NBPF11: variants seen among roughly 807,000 people sequenced by gnomAD.
NBPF11 encodes the protein NBPF family member NBPF11.
A neutral mutation model predicts 93.9 loss-of-function variants in NBPF11; 72 were observed. The observed-to-expected ratio is 0.77, with a 90% CI of 0.63 to 0.93. NBPF11 has a LOEUF of 0.93. Ranked by LOEUF, NBPF11 falls within the 40% of genes least tolerant of loss-of-function variation. NBPF11 has a pLI of 0.00. For missense variants in NBPF11, 705 were observed against 802.2 expected (o/e 0.88, Z 1.46); for synonymous variants, 224 against 304.9 (o/e 0.73, Z 2.76).
chr1:148,143,036 T>C (rs1672451190), intron 2 of NBPF11, among the ~76,000 whole-genome samples: 1 of 145,838 alleles, frequency 6.9e-6, no homozygotes, highest in African/African-American at 2.6e-5. Flanking sequence ...GGGTGAGCCA[T>C]GAAAGCTGAA....
intron 1 of NBPF11, chr1:148,146,689 G>T (rs1451512440): frequency 6.2e-7 from 1 of 1,611,882 alleles, no homozygotes; most frequent in Non-Finnish European, 8.5e-7. Context: ...CGGCAACCGT[G>T]TCTCCTGCAT....
In NBPF11 at chr1:148,135,781, A is replaced by G; in HGVS notation, c.-145T>C. 1.4e-6 allele frequency: 1 copy of G among 712,016 alleles called. No homozygotes were observed. Among genetic ancestry groups the G allele is most frequent in the Non-Finnish European group, 2.5e-6 (1 of 407,798 alleles). 44.1% of individuals were successfully genotyped at this position (712,016 alleles called of 1,614,324 possible). A position where few individuals can be genotyped will look rare whatever the true frequency, so the allele number is the denominator to read the frequency against. ...AGATCTGAGTTTCTCCAGGTATGAT[A>G]TTATTTTGTTTGACCATCCTTATCT... is the stretch of plus-strand genomic sequence containing the variant. On this transcript the variant is annotated 5_prime_UTR_variant, in exon 4 of 24. Transcript: ENST00000682118.
chr1:148,126,799 C>T (rs1669227751), intron 5 of NBPF11, 30 bp downstream of exon 5: 3 of 1,600,662 alleles, frequency 1.9e-6, no homozygotes, highest in South Asian at 1.1e-5. Flanking sequence ...ACATTCATCA[C>T]TTTCATGATG....
At chr1:148,150,371 T>C (rs1206242638) in intron 1 of NBPF11, among the ~76,000 whole-genome samples, 64 of 150,976 alleles carry the variant, frequency 4.2e-4, no homozygotes, top group African/African-American at 1.3e-3. Context: ...CCCGAAATGC[T>C]GGAATTACAG....
intron 20 of NBPF11, 113 bp downstream of exon 20, chr1:148,106,829 C>T: frequency 1.3e-6 from 1 of 781,474 alleles, no homozygotes; most frequent in South Asian, 1.4e-5. Flanking sequence ...ACCCATAGGT[C>T]CTGCCTGTGG....
At chr1:148,113,536 C>T (rs1665804788) in intron 15 of NBPF11, among the ~76,000 whole-genome samples, 1 of 119,094 alleles carries the variant, frequency 8.4e-6, no homozygotes, top group Non-Finnish European at 1.7e-5. Flanking sequence ...TTTAACACCC[C>T]ACTGTCAATA....
chr1:148,111,770 C>T (rs1393781280), intron 15 of NBPF11, among the ~76,000 whole-genome samples: 23 of 151,768 alleles, frequency 1.5e-4, no homozygotes, highest in South Asian at 4.2e-4. Flanking sequence ...ACCAAATCTA[C>T]GTTTGATTGG....
chr1:148,103,737 T>C lies in NBPF11; in HGVS notation c.*159A>G, dbSNP rs1453171045. ...CTTCTCACCGTCAAAGTAAAAAACCTATTGTCCATGTCAAGGGCAAAGCTG... is the reference window on the plus strand; with the variant it reads ...CTTCTCACCGTCAAAGTAAAAAACCCATTGTCCATGTCAAGGGCAAAGCTG... On this transcript the variant is annotated 3_prime_UTR_variant, in exon 24 of 24. Coordinates refer to ENST00000682118, the MANE Select transcript of NBPF11 (RefSeq NM_001385469.3). 2 of 1,611,522 alleles carry C rather than the reference T, an allele frequency of 1.2e-6. No individual in the cohort carries two copies. Among genetic ancestry groups the C allele is most frequent in the African/African-American group, 2.7e-5 (2 of 74,778 alleles).
chr1:148,118,650 G>C lies in NBPF11; in HGVS notation c.1061C>G (p.Ala354Gly), dbSNP rs1427304657. 2.2e-5 allele frequency: 36 copies of C among 1,612,834 alleles called. No homozygotes were observed. Among genetic ancestry groups the C allele is most frequent in the Non-Finnish European group, 1.7e-6 (2 of 1,179,890 alleles). ...NERQFKEEKL[A>G]EQLKQAEELR... ...CTCCTCAGCTTGCTTCAGCTGCTCT[G>C]CAAGCTTCTCCTCCTTGAACTGTCG... Residue 354 changes from alanine (A) to glycine (G), a missense_variant, in exon 11 of 24, where the codon GCA becomes GGA. Around this residue, in one of 12 missense-constraint regions of NBPF11, gnomAD observed 262 missense variants for 223.1 expected, o/e 1.17. Transcript: ENST00000682118.
At position 148,139,118 on chromosome 1, in the gene NBPF11, G is replaced by C. The variant is rs1210103679; in HGVS notation, c.-276-1309C>G. Among the ~76,000 whole-genome samples the C allele has an allele frequency of 3.8e-4, 57 of 151,742 alleles. No homozygotes were observed. The East Asian group carries it at 0.01, about 28-fold the overall frequency. On this transcript the variant is annotated intron_variant, in intron 2 of 23. Transcript: ENST00000682118. ...AAAAAAAAAGATAAAATAAAATAAA[G>C]ACGGTTCACTACTTAACTCCAAATA...
intron 4 of NBPF11, among the ~76,000 whole-genome samples, chr1:148,130,736 G>A (rs1367361615): frequency 2.6e-5 from 4 of 151,742 alleles, no homozygotes; most frequent in African/African-American, 4.9e-5. Flanking sequence ...CGGAACTACT[G>A]CCACAACCAA....
At chr1:148,141,720 A>T (rs1255931085) in intron 2 of NBPF11, among the ~76,000 whole-genome samples, 2 of 151,778 alleles carry the variant, frequency 1.3e-5, no homozygotes, top group African/African-American at 4.9e-5. Context: ...GGTGCAAACC[A>T]TCTAGGTGGG....
At chr1:148,119,944 A>T (rs1466652035) in intron 10 of NBPF11, among the ~76,000 whole-genome samples, 19 of 148,264 alleles carry the variant, frequency 1.3e-4, no homozygotes, top group Non-Finnish European at 2.3e-4. Flanking sequence ...GTGAGCCACC[A>T]TGCACGGCCC....
intron 2 of NBPF11, among the ~76,000 whole-genome samples, chr1:148,141,670 G>A (rs1672193193): frequency 6.6e-6 from 1 of 151,842 alleles, no homozygotes; most frequent in Non-Finnish European, 1.5e-5. Context: ...GGCAGAAGCA[G>A]CCTCAGTCAT....
chr1:148,133,254 C>T (rs1226094325), intron 4 of NBPF11, among the ~76,000 whole-genome samples: 1 of 151,822 alleles, frequency 6.6e-6, no homozygotes, highest in African/African-American at 2.4e-5. Context: ...TTAACAAACA[C>T]AGTCATTATC....
chr1:148,109,188 G>A, intron 17 of NBPF11, 96 bp downstream of exon 17: 1 of 976,042 alleles, frequency 1.0e-6, no homozygotes, highest in Non-Finnish European at 1.6e-6. Context: ...TGTCTGACAA[G>A]ACAAAATCAT....
chr1:148,106,545 AC>A lies in NBPF11; in HGVS notation c.2252-314del, dbSNP rs1481058921. Among the ~76,000 whole-genome samples the A allele has an allele frequency of 1.0e-4, 14 of 138,028 alleles. 1 individual carries two copies. The highest frequency in any genetic ancestry group is 5.7e-4 in the Admixed American group (8 of 13,954). The allele number at this position is 138,028 out of a possible 152,430, so 90.6% of individuals were successfully genotyped here. ...GCCCCAGAGGATTTCTAGGAGGAAA[AC>A]TAAAGTATTCAGCCCTGTCTCATCA... is the stretch of plus-strand genomic sequence containing the variant. On this transcript the variant is annotated intron_variant, in intron 20 of 23. Coordinates refer to ENST00000682118, the MANE Select transcript of NBPF11 (RefSeq NM_001385469.3).
In NBPF11 at chr1:148,127,024, A is replaced by T. The variant is rs1669282672; in HGVS notation, c.-21T>A. 3 of 638,780 alleles carry T rather than the reference A, an allele frequency of 4.7e-6. No individual in the cohort carries two copies. The highest frequency in any genetic ancestry group is 2.5e-5 in the Admixed American group (1 of 40,432). The allele number at this position is 638,780 out of a possible 1,614,324, so 39.6% of individuals were successfully genotyped here. ...ACCATGCTGACGTTTGTGGCAGAAGAGGTGGAGTCAGGGACTGGGGAGAAG... is the reference window on the plus strand; with the variant it reads ...ACCATGCTGACGTTTGTGGCAGAAGTGGTGGAGTCAGGGACTGGGGAGAAG... On this transcript the variant is annotated 5_prime_UTR_variant, in exon 5 of 24. Coordinates refer to ENST00000682118, the MANE Select transcript of NBPF11 (RefSeq NM_001385469.3).
rs1237737551 is a variant in NBPF11 at position 148,120,681 on chromosome 1, C to T, written c.808G>A (p.Val270Ile). The change falls in exon 10 of 24, where the codon GTC becomes ATC. Residue 270 changes from valine (V) to isoleucine (I), a missense_variant. Around this residue, in one of 12 missense-constraint regions of NBPF11, gnomAD observed 262 missense variants for 223.1 expected, o/e 1.17. Transcript: ENST00000682118. ...GGGCCGGCTGATACCACCATGCTGA[C>T]GTTTGTGGCAGAAGAGGTGGGGCCA... ...VPGPTSSATN[V>I]SMVVSAGPLS... 588 of 1,535,394 alleles carry T rather than the reference C, an allele frequency of 3.8e-4. 2 individuals are homozygous for T. Among genetic ancestry groups the T allele is most frequent in the South Asian group, 2.1e-3 (189 of 89,448 alleles).
Sources: allele counts gnomAD v4.1 joint callset (sites outside exome capture counted in the v4.1 genomes callset), GRCh38; gene constraint gnomAD v4.1.1; regional missense constraint gnomAD v4.1.1; transcripts MANE v1.5; gene names NCBI Gene and HGNC (gene_info 2026-07-23, HGNC 2026-07-21).